ERC2: variants seen among roughly 807,000 people sequenced by gnomAD.
The protein encoded by ERC2 is ERC protein 2.
Under a neutral mutation model 114.8 loss-of-function variants are expected in ERC2, and 42 were observed. That is an observed-to-expected ratio of 0.37 (90% CI 0.29 to 0.47). ERC2 has a LOEUF of 0.47. Ranked by LOEUF, ERC2 falls within the 20% of genes least tolerant of loss-of-function variation. The pLI, the probability that ERC2 is intolerant of heterozygous loss-of-function variation, is 0.99. For missense variants in ERC2, 939 were observed against 1,150.7 expected (o/e 0.82, Z 2.66); for synonymous variants, 454 against 425.5 (o/e 1.07, Z -0.82).
chr3:56,369,676 AC>A (rs916744504), intron 2 of ERC2, among the ~76,000 whole-genome samples: 3 of 151,166 alleles, frequency 2.0e-5, no homozygotes, highest in Non-Finnish European at 2.9e-5. Context: ...CCTACTGGAT[AC>A]TACTTTTTTT....
At chr3:56,348,956 GA>G (rs1367332352) in intron 2 of ERC2, among the ~76,000 whole-genome samples, 20 of 134,424 alleles carry the variant, frequency 1.5e-4, no homozygotes, top group South Asian at 2.5e-4. Flanking sequence ...AGGAAGGAAG[GA>G]AAGAAAGAAA....
At chr3:55,683,668 T>C (rs1023585212) in intron 17 of ERC2, 126 bp downstream of exon 17, 11 of 788,290 alleles carry the variant, frequency 1.4e-5, no homozygotes, top group African/African-American at 5.4e-5. Context: ...CATTCTGCGC[T>C]CACAGAACAC....
rs76748172 is a variant in ERC2, at chr3:55,984,076, C to A, written c.2267+1901G>T. Among the ~76,000 whole-genome samples the A allele has an allele frequency of 2.3e-3, 344 of 152,270 alleles. 3 individuals carry two copies. The highest frequency in any genetic ancestry group is 7.9e-3 in the African/African-American group (330 of 41,552). The stretch of plus-strand genomic sequence containing the variant: ...ATTATTCACAATGATTGCACATTTT[C>A]ATCATGTTCATTTGAGGCAACAGGT... On this transcript the variant is annotated intron_variant, in intron 12 of 17. Transcript: ENST00000288221.
At chr3:56,243,825 G>A (rs1251753530) in intron 3 of ERC2, among the ~76,000 whole-genome samples, 5 of 152,156 alleles carry the variant, frequency 3.3e-5, no homozygotes, top group African/African-American at 4.8e-5. Flanking sequence ...TCTGTGCTAA[G>A]TGATGTATCT....
chr3:56,088,431 C>A (rs1225454704), intron 6 of ERC2, among the ~76,000 whole-genome samples: 1 of 152,044 alleles, frequency 6.6e-6, no homozygotes, highest in Non-Finnish European at 1.5e-5. Flanking sequence ...ATAGGACCTT[C>A]AACTTCCCTT....
At chr3:56,127,638 GC>G (rs2079952115) in intron 6 of ERC2, among the ~76,000 whole-genome samples, 1 of 151,784 alleles carries the variant, frequency 6.6e-6, no homozygotes, top group African/African-American at 2.4e-5. Context: ...CAGGAGAATT[GC>G]TTGAACCCAG....
rs148694244 is a variant in ERC2 at position 56,070,772 on chromosome 3, C to T, written c.1641+10045G>A. On this transcript the variant is annotated intron_variant, in intron 7 of 17. Transcript: ENST00000288221. ...GAAGACGTAAAGAATAGAAAAGCTC[C>T]GAAATGTGAAATCTGTTTCCTAAGT... Among the ~76,000 whole-genome samples the T allele has an allele frequency of 8.6e-4, 131 of 152,228 alleles. 2 individuals carry two copies. The East Asian group carries it at 0.022, about 25-fold the overall frequency.
chr3:56,032,989 A>AAGAAAGAAAGAAAG (rs2074528502), intron 7 of ERC2, among the ~76,000 whole-genome samples: 1 of 115,144 alleles, frequency 8.7e-6, no homozygotes, highest in Non-Finnish European at 1.9e-5. Context: ...GAAAGAAAGA[A>AAGAAAGAAAGAAAG]AGAAAGAAAG....
intron 17 of ERC2, among the ~76,000 whole-genome samples, chr3:55,666,004 G>T (rs1576021668): frequency 6.6e-6 from 1 of 152,182 alleles, no homozygotes; most frequent in Non-Finnish European, 1.5e-5. Flanking sequence ...ACAGCCTCAG[G>T]TGGGGTGGCC....
chr3:55,916,625 C>T (rs1306242242), intron 13 of ERC2, among the ~76,000 whole-genome samples: 1 of 152,168 alleles, frequency 6.6e-6, no homozygotes, highest in Non-Finnish European at 1.5e-5. Context: ...AGGTAGCTTG[C>T]ATTTGCTGTT....
chr3:56,151,221 C>A (rs2081394815), intron 4 of ERC2, among the ~76,000 whole-genome samples: 1 of 152,116 alleles, frequency 6.6e-6, no homozygotes, highest in Non-Finnish European at 1.5e-5. Context: ...CCTGCGCCAC[C>A]AAGTACAACT....
chr3:56,446,242 C>G (rs1355432310), intron 1 of ERC2, among the ~76,000 whole-genome samples: 1 of 152,186 alleles, frequency 6.6e-6, no homozygotes, highest in Non-Finnish European at 1.5e-5. Flanking sequence ...ATAGCTCCAC[C>G]AGACTTAGAG....
At chr3:55,833,210 C>G (rs549198147) in intron 14 of ERC2, among the ~76,000 whole-genome samples, 1 of 150,366 alleles carries the variant, frequency 6.7e-6, no homozygotes, top group Non-Finnish European at 1.5e-5. Context: ...GGAGAACTTC[C>G]CTAATCTAGC....
At chr3:55,813,447 T>C (rs1028410095) in intron 14 of ERC2, among the ~76,000 whole-genome samples, 21 of 152,176 alleles carry the variant, frequency 1.4e-4, no homozygotes, top group Non-Finnish European at 2.8e-4. Context: ...GATTGCAGAA[T>C]CAAGAACATA....
intron 3 of ERC2, among the ~76,000 whole-genome samples, chr3:56,277,838 T>C (rs2054102660): frequency 6.6e-6 from 1 of 151,918 alleles, no homozygotes; most frequent in Non-Finnish European, 1.5e-5. Flanking sequence ...AGGGTTGGGA[T>C]TGCCCCTTGG....
At chr3:56,377,659 C>G (rs560800764) in intron 2 of ERC2, among the ~76,000 whole-genome samples, 1 of 152,104 alleles carries the variant, frequency 6.6e-6, no homozygotes, top group Admixed American at 6.5e-5. Flanking sequence ...GAGATCATAT[C>G]GTATTAAAAA....
chr3:56,287,712 A>C (rs537931471), intron 3 of ERC2, among the ~76,000 whole-genome samples: 1 of 152,350 alleles, frequency 6.6e-6, no homozygotes, highest in African/African-American at 2.4e-5. Flanking sequence ...GGCAGCATCA[A>C]GAAGTGGTTA....
At chr3:56,228,438 T>C (rs367564053) in intron 3 of ERC2, among the ~76,000 whole-genome samples, 81 of 152,364 alleles carry the variant, frequency 5.3e-4, no homozygotes, top group East Asian at 1.3e-3. Context: ...CTCTAAGTAC[T>C]TCATATAAGC....
chr3:55,549,946 G>T (rs76027528), intron 17 of ERC2, among the ~76,000 whole-genome samples: 8 of 96,214 alleles, frequency 8.3e-5, no homozygotes, highest in African/African-American at 8.7e-5. Context: ...GAGAGAGAGA[G>T]AGAGAGAGAG....
Sources: allele counts gnomAD v4.1 joint callset (sites outside exome capture counted in the v4.1 genomes callset), GRCh38; gene constraint gnomAD v4.1.1; transcripts MANE v1.5; gene names NCBI Gene and HGNC (gene_info 2026-07-23, HGNC 2026-07-21).